COPG2: variants seen among roughly 807,000 people sequenced by gnomAD.
COPG2 encodes the protein coat protein complex I subunit gamma 2.
In COPG2, 37 loss-of-function variants were observed where a neutral mutation model predicts 46.3. The observed-to-expected ratio is 0.80, with a 90% CI of 0.61 to 1.05. COPG2 has a LOEUF of 1.05. COPG2 is among the 50% of genes least tolerant of loss of function. The probability of loss-of-function intolerance (pLI) is 0.00; values close to 1 mark genes in which losing one functional copy is unlikely to be tolerated. For missense variants in COPG2, 427 were observed against 387.8 expected (o/e 1.10, Z -0.85); for synonymous variants, 159 against 129.7 (o/e 1.23, Z -1.53).
intron 4 of COPG2, among the ~76,000 whole-genome samples, chr7:130,657,013 A>G (rs1335174159): frequency 6.7e-6 from 1 of 150,224 alleles, no homozygotes; most frequent in African/African-American, 2.4e-5. Context: ...TATATATAAT[A>G]TAGATATTTA....
At chr7:130,534,772 G>A (rs1799862584) in intron 20 of COPG2, among the ~76,000 whole-genome samples, 1 of 152,132 alleles carries the variant, frequency 6.6e-6, no homozygotes, top group Non-Finnish European at 1.5e-5. Context: ...AGAGGAAACG[G>A]TGGATCTGGA....
chr7:130,650,853 C>A (rs1369206287), intron 5 of COPG2, among the ~76,000 whole-genome samples: 2 of 152,146 alleles, frequency 1.3e-5, no homozygotes, highest in East Asian at 3.8e-4. Flanking sequence ...TATTTTGCAA[C>A]AATGGAGAAT....
At chr7:130,531,026 G>A (rs1799819563) in intron 20 of COPG2, among the ~76,000 whole-genome samples, 1 of 145,282 alleles carries the variant, frequency 6.9e-6, no homozygotes, top group Admixed American at 7.1e-5. Context: ...CTTGGGCCAG[G>A]CTCTTTACTA....
In COPG2 at chr7:130,535,574, T is replaced by A. The variant is rs978177165; in HGVS notation, c.2149+12100A>T. Among the ~76,000 whole-genome samples, 333 of 151,152 alleles carry A rather than the reference T, an allele frequency of 2.2e-3. 2 individuals carry two copies. The highest frequency in any genetic ancestry group is 7.7e-3 in the African/African-American group (315 of 41,050). Reference sequence around the variant, plus strand: ...AATGGCTGCTCTTAAAGCCTTGAACTTTGTTGCACAGGTGTGAATCTTGGG... The same window carrying A: ...AATGGCTGCTCTTAAAGCCTTGAACATTGTTGCACAGGTGTGAATCTTGGG... On this transcript the variant is annotated intron_variant, in intron 20 of 23. Transcript: ENST00000425248.
At chr7:130,514,610 A>G (rs1314287653) in intron 20 of COPG2, among the ~76,000 whole-genome samples, 2 of 152,200 alleles carry the variant, frequency 1.3e-5, no homozygotes, top group Non-Finnish European at 2.9e-5. Context: ...GGCTGAAGAT[A>G]AGGTAGCGTA....
At chr7:130,550,734 A>C in intron 16 of COPG2, 85 bp from the exon 17 acceptor site, 1 of 383,664 alleles carries the variant, frequency 2.6e-6, no homozygotes, top group Non-Finnish European at 4.6e-6. Context: ...TATTTATCTA[A>C]GCTTTCTGAA....
intron 9 of COPG2, chr7:130,610,727 T>A (rs1270747521): frequency 1.6e-6 from 1 of 644,878 alleles, no homozygotes; most frequent in African/African-American, 1.8e-5. Flanking sequence ...TTGTTCAATA[T>A]CAGTTTGTTA....
At position 130,561,033 on chromosome 7, in the gene COPG2, C is replaced by T. The variant is rs928870897; in HGVS notation, c.1128G>A (p.Lys376=). 14 of 398,542 alleles carry T rather than the reference C, an allele frequency of 3.5e-5. No individual in the cohort carries two copies. The highest frequency in any genetic ancestry group is 6.2e-5 in the African/African-American group (3 of 48,748). The allele number at this position is 398,542 out of a possible 1,614,324, so 24.7% of individuals were successfully genotyped here. A position where few individuals can be genotyped will look rare whatever the true frequency, so the allele number is the denominator to read the frequency against. ...SFVSEISDEF[K]VVVVQAISAL... ...AATATGATCATGTTTAAACTCTTAC[C>T]TTGAACTCATCTGAGATTTCAGACA... The change falls in exon 12 of 24, where the codon AAG becomes AAA. Residue 376 remains lysine, a splice_region_variant and synonymous_variant. Transcript: ENST00000425248.
intron 20 of COPG2, among the ~76,000 whole-genome samples, chr7:130,520,361 T>C (rs1259482329): frequency 6.6e-6 from 1 of 152,078 alleles, no homozygotes; most frequent in Non-Finnish European, 1.5e-5. Flanking sequence ...AGATGCTTGG[T>C]TGGAGGAAAA....
At chr7:130,521,744 C>CA (rs1461419535) in intron 20 of COPG2, among the ~76,000 whole-genome samples, 2 of 151,928 alleles carry the variant, frequency 1.3e-5, no homozygotes, top group African/African-American at 4.8e-5. Context: ...AAACACAGGG[C>CA]AAATCAGCTT....
In COPG2 at chr7:130,599,960, A is replaced by G. The variant is rs150297132; in HGVS notation, c.737+10993T>C. On this transcript the variant is annotated intron_variant, in intron 9 of 23. Coordinates refer to ENST00000425248, the MANE Select transcript of COPG2 (RefSeq NM_012133.6). ...TACAGTTTTCACTTTAAAATTTTAG[A>G]AAGAATTAATACTGTATATTCTCTC... is the stretch of plus-strand genomic sequence containing the variant. Among the ~76,000 whole-genome samples, 743 of 152,328 alleles carry G rather than the reference A, an allele frequency of 4.9e-3. 3 individuals are homozygous for G. The highest frequency in any genetic ancestry group is 0.017 in the African/African-American group (708 of 41,582).
chr7:130,629,213 T>A lies in COPG2; in HGVS notation c.324-12148A>T, dbSNP rs187476562. Among the ~76,000 whole-genome samples the A allele has an allele frequency of 2.0e-3, 304 of 152,268 alleles. 2 individuals carry two copies. Among genetic ancestry groups the A allele is most frequent in the African/African-American group, 6.6e-3 (274 of 41,564 alleles). On this transcript the variant is annotated intron_variant, in intron 5 of 23. Coordinates refer to ENST00000425248, the MANE Select transcript of COPG2 (RefSeq NM_012133.6). ...GGGGGTACCTTTAAAATTTTCTATT[T>A]AAATTTTCTTTTTGGCAGTTTCACT...
At chr7:130,582,846 C>G (rs1410127866) in intron 9 of COPG2, among the ~76,000 whole-genome samples, 2 of 151,814 alleles carry the variant, frequency 1.3e-5, no homozygotes, top group African/African-American at 4.8e-5. Context: ...AGTCAGGAAA[C>G]AACAGGTGCT....
At chr7:130,594,610 A>T (rs1794490762) in intron 9 of COPG2, among the ~76,000 whole-genome samples, 1 of 152,252 alleles carries the variant, frequency 6.6e-6, no homozygotes, top group African/African-American at 2.4e-5. Context: ...TAAATTATGT[A>T]TCTGATAAGG....
At chr7:130,577,085 G>A (rs797037193) in intron 9 of COPG2, among the ~76,000 whole-genome samples, 11 of 152,236 alleles carry the variant, frequency 7.2e-5, no homozygotes, top group African/African-American at 2.2e-4. Flanking sequence ...CCCCTGAACA[G>A]ACCAATAACA....
rs143219859 is a variant in COPG2, at chr7:130,662,506, G to A, written c.243+461C>T. Reference sequence around the variant, plus strand: ...GCTGTATGTTCTGAAGGTCAGGGTGGCCTAAGGTAATGAGAGGCAGGTTTA... The same window carrying A: ...GCTGTATGTTCTGAAGGTCAGGGTGACCTAAGGTAATGAGAGGCAGGTTTA... On this transcript the variant is annotated intron_variant, in intron 4 of 23. Transcript: ENST00000425248. Among the ~76,000 whole-genome samples the A allele has an allele frequency of 2.6e-5, 4 of 152,296 alleles. No individual in the cohort carries two copies. In the East Asian group the frequency reaches 7.7e-4, roughly 29 times the overall value.
In COPG2 at chr7:130,662,984, A is replaced by G. The variant is rs372026219; in HGVS notation, c.226T>C (p.Leu76=). 11 of 1,548,862 alleles carry G rather than the reference A, an allele frequency of 7.1e-6. No individual in the cohort carries two copies. The highest frequency in any genetic ancestry group is 2.7e-5 in the African/African-American group (2 of 72,766). ...AGACTTACATCATTAGATTGAAACA[A>G]TCGCGTCATTGCAAAGAAGGCTTCT... is the stretch of plus-strand genomic sequence containing the variant. ...ATEAFFAMTR[L]FQSNDQTLRR... The change falls in exon 4 of 24, where the codon TTG becomes CTG. Residue 76 remains leucine, a synonymous_variant. Transcript: ENST00000425248.
chr7:130,506,897 T>TATTA lies in COPG2; in HGVS notation c.2486-95_2486-92dup, dbSNP rs539856997. ...TCATGCTATCCCTGCATCTCCTTTC[T>TATTA]ATTAGTTTAGTTTAGCTTTTCCAGA... On this transcript the variant is annotated intron_variant, in intron 23 of 23. Transcript: ENST00000425248. 2.2e-4 allele frequency: 143 copies of TATTA among 646,750 alleles called. No homozygotes were observed. In the South Asian group the frequency reaches 2.5e-3, roughly 11 times the overall value. The allele number at this position is 646,750 out of a possible 1,614,324, so 40.1% of individuals were successfully genotyped here. A position where few individuals can be genotyped will look rare whatever the true frequency, so the allele number is the denominator to read the frequency against.
At chr7:130,546,537 C>A (rs1367788164) in intron 20 of COPG2, among the ~76,000 whole-genome samples, 12 of 152,138 alleles carry the variant, frequency 7.9e-5, no homozygotes, top group Non-Finnish European at 1.6e-4. Flanking sequence ...GTTATGGATC[C>A]AGGGTGGCTA....
Sources: gnomAD v4.1 joint callset for allele counts (sites outside exome capture counted in the v4.1 genomes callset) on GRCh38, gnomAD v4.1.1 for gene constraint, MANE v1.5 for transcripts, NCBI Gene and HGNC (gene_info 2026-07-23, HGNC 2026-07-21) for gene names.